Variants in GLG1 observed in about 807,000 individuals in gnomAD.
GLG1 encodes Golgi apparatus protein 1.
In GLG1, 38 loss-of-function variants were observed where a neutral mutation model predicts 160.5. The ratio of observed to expected loss-of-function variants is 0.24; its 90% CI spans 0.18 to 0.31. The LOEUF (loss-of-function observed/expected upper bound fraction) is 0.31. Among genes scored for constraint, GLG1 ranks in the 10% least tolerant of loss-of-function variants. The pLI is 1.00. For synonymous variants in GLG1, 644 were observed against 543.4 expected (o/e 1.19, Z -2.57); for missense variants, 1,373 against 1,505.2 (o/e 0.91, Z 1.45).
At chr16:74,579,698 G>A (rs1485322869) in intron 1 of GLG1, among the ~76,000 whole-genome samples, 1 of 151,522 alleles carries the variant, frequency 6.6e-6, no homozygotes, top group African/African-American at 2.4e-5. Flanking sequence ...CTCCAGCATG[G>A]GTGACAGCAA....
At chr16:74,489,390 G>C (rs1215423821) in intron 8 of GLG1, among the ~76,000 whole-genome samples, 1 of 151,866 alleles carries the variant, frequency 6.6e-6, no homozygotes, top group Non-Finnish European at 1.5e-5. Context: ...AGAATCATTT[G>C]AACCCGGGAG....
In GLG1 at chr16:74,561,654, G is replaced by A. The variant is rs529190887; in HGVS notation, c.439-29501C>T. Among the ~76,000 whole-genome samples the A allele has an allele frequency of 1.4e-4, 21 of 152,290 alleles. No homozygotes were observed. The East Asian group carries it at 4.0e-3, about 29-fold the overall frequency. On this transcript the variant is annotated intron_variant, in intron 1 of 25. Transcript: ENST00000422840. ...GATATGCAACTTGAATGAACTCTATGTTCCAAGTCAAATTACCTATGATAA... is the reference window on the plus strand; with the variant it reads ...GATATGCAACTTGAATGAACTCTATATTCCAAGTCAAATTACCTATGATAA...
At chr16:74,597,294 G>C (rs1204297043) in intron 1 of GLG1, among the ~76,000 whole-genome samples, 2 of 151,078 alleles carry the variant, frequency 1.3e-5, no homozygotes, top group Non-Finnish European at 2.9e-5. Context: ...ACCTGGGCGT[G>C]GTGGGGTGCG....
Position 74,449,125 on chromosome 16 carries a change from G to A in GLG1, c.*4042C>T, listed in dbSNP as rs2014189063. On this transcript the variant is annotated 3_prime_UTR_variant, in exon 26 of 26. Coordinates refer to ENST00000422840, the MANE Select transcript of GLG1 (RefSeq NM_001145667.2). ...AGAAACAAAACAAAAAACCAAAAAA[G>A]CCATTACGGCCAAAATTTAGGCTGA... The A allele has an allele frequency of 6.6e-6, 1 of 152,228 alleles. No homozygotes were observed. Among genetic ancestry groups the A allele is most frequent in the Non-Finnish European group, 1.5e-5 (1 of 68,114 alleles). 9.4% of individuals were successfully genotyped at this position (152,228 alleles called of 1,614,324 possible).
intron 2 of GLG1, among the ~76,000 whole-genome samples, chr16:74,523,923 A>G (rs1226018265): frequency 6.6e-6 from 1 of 152,078 alleles, no homozygotes; most frequent in African/African-American, 2.4e-5. Context: ...TTTAAAAAAA[A>G]TAATAGGCCA....
Position 74,550,909 on chromosome 16 carries a change from G to A in GLG1, c.439-18756C>T, listed in dbSNP as rs1477328060. Among the ~76,000 whole-genome samples the A allele has an allele frequency of 5.3e-5, 8 of 152,072 alleles. No homozygotes were observed. In the East Asian group the frequency reaches 9.6e-4, roughly 18 times the overall value. On this transcript the variant is annotated intron_variant, in intron 1 of 25. Transcript: ENST00000422840. ...TGGGATGGAATCTCTTATTCCTCTC[G>A]AGCCACCATTCCAAATTTTGTACAA...
chr16:74,518,338 G>A (rs151069368), intron 2 of GLG1, among the ~76,000 whole-genome samples: 1,573 of 152,186 alleles, frequency 0.01, 21 homozygotes, highest in African/African-American at 0.036. Flanking sequence ...CGTGGTACTG[G>A]TACCAAAACA....
rs999437878 is a variant in GLG1, at chr16:74,527,399, A to G, written c.471+4722T>C. Reference sequence around the variant, plus strand: ...TGAGTAGCTGGGATTACTGGTGTGCACCACCACACCCAACTAATTTTTATA... The same window carrying G: ...TGAGTAGCTGGGATTACTGGTGTGCGCCACCACACCCAACTAATTTTTATA... On this transcript the variant is annotated intron_variant, in intron 2 of 25. Transcript: ENST00000422840. 9.2e-5 allele frequency among the ~76,000 whole-genome samples: 14 copies of G among 151,654 alleles called. 2 individuals carry two copies.
intron 2 of GLG1, among the ~76,000 whole-genome samples, chr16:74,524,199 A>C (rs952441136): frequency 1.3e-5 from 2 of 152,022 alleles, no homozygotes; most frequent in Non-Finnish European, 2.9e-5. Flanking sequence ...ACAGAGCGAC[A>C]CTTCATCTCA....
intron 1 of GLG1, among the ~76,000 whole-genome samples, chr16:74,538,821 T>C (rs1377012796): frequency 6.8e-6 from 1 of 147,130 alleles, no homozygotes; most frequent in Admixed American, 6.9e-5. Context: ...GAATGTGGAG[T>C]TTTTAGGGGG....
intron 1 of GLG1, among the ~76,000 whole-genome samples, chr16:74,533,182 G>A (rs1452746130): frequency 4.6e-5 from 7 of 152,054 alleles, no homozygotes; most frequent in Admixed American, 1.3e-4. Context: ...TTAGCCGGGC[G>A]TGGTGGCAGG....
intron 2 of GLG1, among the ~76,000 whole-genome samples, chr16:74,522,858 T>C (rs2017213657): frequency 6.6e-6 from 1 of 152,148 alleles, no homozygotes; most frequent in Middle Eastern, 3.2e-3. Flanking sequence ...TAATTTTTCA[T>C]ATTTTTTGTA....
At chr16:74,506,349 C>T (rs565564205) in intron 3 of GLG1, among the ~76,000 whole-genome samples, 3 of 151,316 alleles carry the variant, frequency 2.0e-5, no homozygotes, top group South Asian at 2.1e-4. Flanking sequence ...GAGGCCCAGG[C>T]GGGCGGATCA....
chr16:74,507,165 A>C (rs1173418257), intron 3 of GLG1, among the ~76,000 whole-genome samples: 1 of 152,212 alleles, frequency 6.6e-6, no homozygotes, highest in South Asian at 2.1e-4. Flanking sequence ...CCCTGACTCC[A>C]GTATAATCTT....
intron 9 of GLG1, 133 bp downstream of exon 9, chr16:74,485,663 G>A (rs1022024549): frequency 1.7e-5 from 12 of 722,828 alleles, no homozygotes; most frequent in African/African-American, 3.5e-5. Context: ...AATAAAAGTT[G>A]GTGTATGTTC....
intron 1 of GLG1, among the ~76,000 whole-genome samples, chr16:74,565,428 C>G (rs2018628768): frequency 6.6e-6 from 1 of 152,154 alleles, no homozygotes; most frequent in Non-Finnish European, 1.5e-5. Flanking sequence ...AAGTTCGGGC[C>G]TAAAGATTTC....
intron 1 of GLG1, among the ~76,000 whole-genome samples, chr16:74,565,752 A>T (rs564934115): frequency 6.6e-6 from 1 of 152,236 alleles, no homozygotes; most frequent in Non-Finnish European, 1.5e-5. Flanking sequence ...TTCTTTGCAC[A>T]ATTAAATTCT....
chr16:74,596,284 T>TC (rs1423641298), intron 1 of GLG1, among the ~76,000 whole-genome samples: 5 of 151,908 alleles, frequency 3.3e-5, no homozygotes, highest in Admixed American at 6.6e-5. Context: ...ATCCCAGCAC[T>TC]TTGGGGGGCT....
chr16:74,518,167 A>T (rs1388251451), intron 2 of GLG1, among the ~76,000 whole-genome samples: 1 of 152,174 alleles, frequency 6.6e-6, no homozygotes, highest in Non-Finnish European at 1.5e-5. Flanking sequence ...TCAAGCTGCC[A>T]CTGACTTTCT....
Sources: allele counts gnomAD v4.1 joint callset (sites outside exome capture counted in the v4.1 genomes callset), GRCh38; gene constraint gnomAD v4.1.1; transcripts MANE v1.5; gene names NCBI Gene and HGNC (gene_info 2026-07-23, HGNC 2026-07-21).